Variants in PIP5K1B observed in about 807,000 individuals in gnomAD.
PIP5K1B encodes the protein phosphatidylinositol-4-phosphate 5-kinase type 1 beta.
PIP5K1B carries 42 observed loss-of-function variants against 67.0 expected under a neutral mutation model. The observed-to-expected ratio is 0.63, with a 90% CI of 0.49 to 0.81. PIP5K1B has a LOEUF of 0.81. Among genes scored for constraint, PIP5K1B ranks in the 30% least tolerant of loss-of-function variants. The pLI is 0.00. For missense variants in PIP5K1B, 459 were observed against 646.3 expected (o/e 0.71, Z 3.14); for synonymous variants, 214 against 231.4 (o/e 0.92, Z 0.68).
At chr9:68,930,464 T>C (rs60502138) in intron 12 of PIP5K1B, among the ~76,000 whole-genome samples, 1,728 of 152,258 alleles carry the variant, frequency 0.011, 35 homozygotes, top group African/African-American at 0.039. Context: ...CCCTTCCTTC[T>C]GCTTACCACC....
intron 1 of PIP5K1B, among the ~76,000 whole-genome samples, chr9:68,717,121 A>G (rs1827671177): frequency 6.6e-6 from 1 of 152,182 alleles, no homozygotes; most frequent in Non-Finnish European, 1.5e-5. Flanking sequence ...TTGAAAAACT[A>G]CCTGTCAGGT....
At chr9:68,802,913 C>A (rs1832679816) in intron 2 of PIP5K1B, among the ~76,000 whole-genome samples, 1 of 152,152 alleles carries the variant, frequency 6.6e-6, no homozygotes, top group Non-Finnish European at 1.5e-5. Context: ...AGTGGTTAGA[C>A]AGATTTGCAT....
chr9:68,899,352 G>A (rs1564216149), intron 8 of PIP5K1B, among the ~76,000 whole-genome samples: 1 of 152,164 alleles, frequency 6.6e-6, no homozygotes, highest in Non-Finnish European at 1.5e-5. Flanking sequence ...GGAGCCTGAG[G>A]AGCAAGGCTT....
chr9:68,980,087 C>A (rs1043941945), intron 14 of PIP5K1B, among the ~76,000 whole-genome samples: 1 of 152,208 alleles, frequency 6.6e-6, no homozygotes, highest in Non-Finnish European at 1.5e-5. Context: ...GCCGCTCTGT[C>A]CTGGCAGGAG....
intron 4 of PIP5K1B, among the ~76,000 whole-genome samples, chr9:68,845,322 T>C (rs1469900255): frequency 6.6e-6 from 1 of 152,232 alleles, no homozygotes; most frequent in East Asian, 1.9e-4. Context: ...TCTCTTTTTC[T>C]ACCTTTGGTC....
rs1829453236 is a variant in PIP5K1B, at chr9:68,748,638, T to C, written c.-86+5981T>C. On this transcript the variant is annotated intron_variant, in intron 2 of 15. Transcript: ENST00000265382. Reference sequence around the variant, plus strand: ...CTTTTTTTTTTTTTTTTTTTTTGTTTGAGACAGAGTTTCACTCTTGTTGCC... The same window carrying C: ...CTTTTTTTTTTTTTTTTTTTTTGTTCGAGACAGAGTTTCACTCTTGTTGCC... Among the ~76,000 whole-genome samples the C allele has an allele frequency of 6.4e-5, 6 of 94,298 alleles. No individual in the cohort carries two copies. The South Asian group carries it at 2.7e-3, about 43-fold the overall frequency. The allele number at this position is 94,298 out of a possible 152,430, so 61.9% of individuals were successfully genotyped here.
chr9:68,953,218 C>A (rs998209442), intron 14 of PIP5K1B, among the ~76,000 whole-genome samples: 2 of 152,100 alleles, frequency 1.3e-5, no homozygotes, highest in Non-Finnish European at 1.5e-5. Flanking sequence ...ATCTCCTAAT[C>A]CTTCCACTGA....
At chr9:68,884,634 T>C (rs919866545) in intron 6 of PIP5K1B, among the ~76,000 whole-genome samples, 4 of 149,416 alleles carry the variant, frequency 2.7e-5, no homozygotes, top group Non-Finnish European at 4.4e-5. Context: ...CACTGCACTT[T>C]AGCCTGGGTG....
chr9:68,808,391 C>G (rs1421965810), intron 2 of PIP5K1B, among the ~76,000 whole-genome samples: 3 of 152,104 alleles, frequency 2.0e-5, no homozygotes, highest in South Asian at 4.2e-4. Flanking sequence ...AATTACTCCC[C>G]CCGACTCCCA....
At chr9:68,824,056 A>C (rs1833861080) in intron 4 of PIP5K1B, 4 of 516,942 alleles carry the variant, frequency 7.7e-6, no homozygotes, top group Non-Finnish European at 1.2e-5. Flanking sequence ...AAATTTGTAC[A>C]TTGGGCCAGA....
chr9:68,857,092 G>A (rs1822815873), intron 4 of PIP5K1B, among the ~76,000 whole-genome samples: 1 of 152,142 alleles, frequency 6.6e-6, no homozygotes, highest in African/African-American at 2.4e-5. Flanking sequence ...TGAAGATGGA[G>A]GAAGAGGCCA....
chr9:68,862,658 G>A (rs1350358840), intron 4 of PIP5K1B, among the ~76,000 whole-genome samples: 1 of 152,052 alleles, frequency 6.6e-6, no homozygotes, highest in Non-Finnish European at 1.5e-5. Context: ...CAGATGTGGT[G>A]GTGCATGCCT....
chr9:68,817,170 G>GAGA (rs1359841469), intron 2 of PIP5K1B, among the ~76,000 whole-genome samples: 56 of 152,190 alleles, frequency 3.7e-4, no homozygotes, highest in Non-Finnish European at 7.3e-5. Context: ...AGTGAGAGAA[G>GAGA]GCGAATTAAA....
At chr9:68,954,383 T>C (rs1462206082) in intron 14 of PIP5K1B, among the ~76,000 whole-genome samples, 1 of 152,184 alleles carries the variant, frequency 6.6e-6, no homozygotes, top group East Asian at 1.9e-4. Flanking sequence ...TTTCTTCGTC[T>C]ACAGATTAAG....
intron 11 of PIP5K1B, among the ~76,000 whole-genome samples, chr9:68,921,429 A>C (rs1371778927): frequency 6.6e-6 from 1 of 152,222 alleles, no homozygotes; most frequent in Non-Finnish European, 1.5e-5. Context: ...AAGGGACTGC[A>C]TACATAGTAC....
intron 4 of PIP5K1B, among the ~76,000 whole-genome samples, chr9:68,843,864 G>A (rs1822047926): frequency 6.6e-6 from 1 of 152,202 alleles, no homozygotes; most frequent in Admixed American, 6.5e-5. Context: ...CGTACTGGGA[G>A]AAAGATGAAC....
chr9:68,838,295 G>T (rs1281649303), intron 4 of PIP5K1B, among the ~76,000 whole-genome samples: 1 of 151,782 alleles, frequency 6.6e-6, no homozygotes, highest in African/African-American at 2.4e-5. Context: ...TAATTGGCTT[G>T]TCTTATTAAT....
chr9:68,824,282 C>A, intron 4 of PIP5K1B: 1 of 518,000 alleles, frequency 1.9e-6, no homozygotes, highest in Non-Finnish European at 3.9e-6. Flanking sequence ...CACAGGAGAT[C>A]CTTTGTCGCT....
At chr9:68,876,163 T>C (rs1246122708) in intron 5 of PIP5K1B, among the ~76,000 whole-genome samples, 2 of 152,198 alleles carry the variant, frequency 1.3e-5, no homozygotes, top group African/African-American at 4.8e-5. Flanking sequence ...ATGTAAGGTC[T>C]CCTTTTTTGG....
Sources: allele counts gnomAD v4.1 joint callset (sites outside exome capture counted in the v4.1 genomes callset), GRCh38; gene constraint gnomAD v4.1.1; transcripts MANE v1.5; gene names NCBI Gene and HGNC (gene_info 2026-07-23, HGNC 2026-07-21).